The following PRKD2 variants were observed in gnomAD, a reference collection of about 807,000 sequenced individuals.
PRKD2 encodes serine/threonine-protein kinase D2.
Under a neutral mutation model 86.0 loss-of-function variants are expected in PRKD2, and 22 were observed. That is an observed-to-expected ratio of 0.26 (90% confidence interval 0.18 to 0.37). PRKD2 has a LOEUF of 0.37. Among genes scored for constraint, PRKD2 ranks in the 10% least tolerant of loss-of-function variants. The probability of loss-of-function intolerance (pLI) is 1.00; values close to 1 mark genes in which losing one functional copy is unlikely to be tolerated. For synonymous variants in PRKD2, 509 were observed against 510.9 expected (o/e 1.00, Z 0.05); for missense variants, 818 against 1,199.2 (o/e 0.68, Z 4.70).
chr19:46,695,469 C>G (rs538871442), intron 9 of PRKD2, among the ~76,000 whole-genome samples: 1 of 152,140 alleles, frequency 6.6e-6, no homozygotes. Flanking sequence ...GGTGACAGAG[C>G]GAGACTCCGT....
chr19:46,701,026 G>C lies in PRKD2; in HGVS notation c.967+9C>G. On this transcript the variant is annotated intron_variant, in intron 6 of 17. Transcript: ENST00000291281. ...CCCCTTTCTCCCCAGCATCCCCCCA[G>C]CCTCTCACCTCCATTGATAAGGGCC... 6.2e-7 allele frequency: 1 copy of C among 1,614,180 alleles called. No individual in the cohort carries two copies. The highest frequency in any genetic ancestry group is 8.5e-7 in the Non-Finnish European group (1 of 1,180,010).
At chr19:46,712,111 T>C (rs1021662146) in intron 2 of PRKD2, among the ~76,000 whole-genome samples, 1 of 148,772 alleles carries the variant, frequency 6.7e-6, no homozygotes, top group African/African-American at 2.5e-5. Context: ...GGTGCATGCC[T>C]GTAATGCCTA....
intron 3 of PRKD2, 108 bp from the exon 4 acceptor site, chr19:46,704,757 AC>A (rs1423246281): frequency 4.4e-6 from 6 of 1,356,900 alleles, no homozygotes; most frequent in African/African-American, 1.5e-5. Flanking sequence ...CTGTCCCATC[AC>A]CCCCCGCCAG....
chr19:46,700,842 G>A lies in PRKD2; in HGVS notation c.1078C>T (p.His360Tyr), dbSNP rs1372348261. The A allele has an allele frequency of 6.2e-7, 1 of 1,614,238 alleles. No homozygotes were observed. The highest frequency in any genetic ancestry group is 1.1e-5 in the South Asian group (1 of 91,084). ...IPGSHSENAL[H>Y]ASEEEEGEGG... The stretch of plus-strand genomic sequence containing the variant: ...TCGCCTTCCTCCTCCTCACTGGCGT[G>A]GAGCGCATTCTCTGAGTGGGAGCCA... The change falls in exon 7 of 18, where the codon CAC (histidine) becomes TAC (tyrosine). Residue 360 changes from histidine to tyrosine, a missense_variant. Physicochemically the swap from His to Tyr is moderately conservative, Grantham distance 83. Coordinates refer to ENST00000291281, the MANE Select transcript of PRKD2 (RefSeq NM_016457.5).
intron 15 of PRKD2, among the ~76,000 whole-genome samples, chr19:46,681,177 C>T (rs542989350): frequency 1.3e-5 from 2 of 149,300 alleles, no homozygotes; most frequent in South Asian, 2.1e-4. Context: ...AGGATGGTCT[C>T]GATCTCCTGA....
chr19:46,697,335 GCACGCCGTAACTCTAGCACCTACCC>G (rs1235197532), intron 8 of PRKD2, 101 bp from the exon 9 acceptor site: 14 of 859,216 alleles, frequency 1.6e-5, no homozygotes, highest in Non-Finnish European at 2.1e-5. Flanking sequence ...AGCACCACGT[GCACGCCGTAACTCTAGCACCTACCC>G]CACGCCGTAA....
At chr19:46,683,581 G>A (rs2053347450) in intron 14 of PRKD2, among the ~76,000 whole-genome samples, 1 of 151,970 alleles carries the variant, frequency 6.6e-6, no homozygotes, top group African/African-American at 2.4e-5. Context: ...AATTAGGCGT[G>A]GTGGTGGGCG....
intron 14 of PRKD2, among the ~76,000 whole-genome samples, chr19:46,683,166 CT>C (rs34248159): frequency 0.61 from 70,034 of 115,292 alleles, 19,032 homozygotes; most frequent in African/African-American, 0.66. Context: ...GCTTTGATTC[CT>C]TTTTTTTTTT....
intron 14 of PRKD2, among the ~76,000 whole-genome samples, chr19:46,686,612 A>G (rs150061967): frequency 0.012 from 1,784 of 152,014 alleles, 12 homozygotes; most frequent in Non-Finnish European, 0.018. Flanking sequence ...TGATTACACC[A>G]CTGCACTCCA....
chr19:46,682,259 G>A (rs2053319012), intron 14 of PRKD2, among the ~76,000 whole-genome samples: 1 of 151,922 alleles, frequency 6.6e-6, no homozygotes, highest in Non-Finnish European at 1.5e-5. Flanking sequence ...CCCCACCTCG[G>A]CCTCCCAAAG....
At chr19:46,677,931 T>C (rs2053234929) in intron 16 of PRKD2, among the ~76,000 whole-genome samples, 1 of 152,164 alleles carries the variant, frequency 6.6e-6, no homozygotes, top group Non-Finnish European at 1.5e-5. Context: ...AAAGTAGCCA[T>C]GCCCTTGTTT....
chr19:46,686,331 T>C (rs1000341239), intron 14 of PRKD2, among the ~76,000 whole-genome samples: 4 of 151,478 alleles, frequency 2.6e-5, no homozygotes, highest in Non-Finnish European at 5.9e-5. Flanking sequence ...ACCCTGTCTC[T>C]ACAAAAACAT....
rs2053681152 is a variant in PRKD2, at chr19:46,704,389, G to C, written c.669C>G (p.Ser223Arg). ...ESLPCTAEELSRSTTELLPRR... is the reference protein window; with the variant it reads ...ESLPCTAEELRRSTTELLPRR... ...GAGGCAGGAGTTCGGTGGTGCTACG[G>C]CTCTGTCGTTGGCAAGAATGGAGGG... Residue 223 changes from serine (S) to arginine (R), a missense_variant and splice_region_variant, in exon 5 of 18, where the codon AGC becomes AGG. Coordinates refer to ENST00000291281, the MANE Select transcript of PRKD2 (RefSeq NM_016457.5). The C allele has an allele frequency of 6.2e-7, 1 of 1,613,772 alleles. No individual in the cohort carries two copies. Among genetic ancestry groups the C allele is most frequent in the Non-Finnish European group, 8.5e-7 (1 of 1,180,006 alleles).
intron 3 of PRKD2, among the ~76,000 whole-genome samples, chr19:46,708,584 T>C (rs1255494621): frequency 1.3e-5 from 2 of 152,068 alleles, no homozygotes; most frequent in East Asian, 1.9e-4. Flanking sequence ...GTGCTGGGAT[T>C]ATAGGCATGA....
At chr19:46,699,429 T>C (rs1174306917) in intron 7 of PRKD2, among the ~76,000 whole-genome samples, 1 of 152,242 alleles carries the variant, frequency 6.6e-6, no homozygotes, top group East Asian at 1.9e-4. Flanking sequence ...AGCTGTGTGC[T>C]TGAACACAGC....
intron 1 of PRKD2, chr19:46,714,367 CCCCA>C: frequency 5.2e-6 from 5 of 954,504 alleles, no homozygotes; most frequent in Non-Finnish European, 6.3e-6. Flanking sequence ...CACACCCGCC[CCCCA>C]GCTTCCTTCC....
At chr19:46,698,550 T>A (rs2053593115) in intron 7 of PRKD2, among the ~76,000 whole-genome samples, 2 of 152,216 alleles carry the variant, frequency 1.3e-5, no homozygotes. Flanking sequence ...TGGTATTTAG[T>A]CCAGCAATTG....
chr19:46,692,263 G>A (rs1907850306), intron 10 of PRKD2, among the ~76,000 whole-genome samples: 1 of 152,064 alleles, frequency 6.6e-6, no homozygotes, highest in Non-Finnish European at 1.5e-5. Context: ...ATTTTGCTGA[G>A]CATTTTACCC....
At chr19:46,700,654 T>G in intron 7 of PRKD2, 145 bp downstream of exon 7, 3 of 1,057,798 alleles carry the variant, frequency 2.8e-6, no homozygotes, top group Non-Finnish European at 2.6e-6. Context: ...TTAAAAAAAA[T>G]TGTAGTGCTT....
Sources: gnomAD v4.1 joint callset for allele counts (sites outside exome capture counted in the v4.1 genomes callset) on GRCh38, gnomAD v4.1.1 for gene constraint, MANE v1.5 for transcripts, NCBI Gene and HGNC (gene_info 2026-07-23, HGNC 2026-07-21) for gene names.